PPARGC1A: variants seen among roughly 807,000 people sequenced by gnomAD.
PPARGC1A encodes PPARG coactivator 1 alpha.
Under a neutral mutation model 88.7 loss-of-function variants are expected in PPARGC1A, and 25 were observed. The ratio of observed to expected loss-of-function variants is 0.28; its 90% CI spans 0.21 to 0.39. The LOEUF is 0.39. Among genes scored for constraint, PPARGC1A ranks in the 10% least tolerant of loss-of-function variants. The pLI is 1.00. For missense variants in PPARGC1A, 880 were observed against 968.7 expected (o/e 0.91, Z 1.22); for synonymous variants, 363 against 355.6 (o/e 1.02, Z -0.24).
At chr4:23,859,124 T>C (rs1419694396) in intron 2 of PPARGC1A, among the ~76,000 whole-genome samples, 1 of 152,142 alleles carries the variant, frequency 6.6e-6, no homozygotes, top group East Asian at 1.9e-4. Context: ...TCTGTGGGCT[T>C]TCCAGGGAAT....
the PPARGC1A span, among the ~76,000 whole-genome samples, chr4:24,400,114 T>C: frequency 6.6e-6 from 1 of 152,118 alleles, no homozygotes; most frequent in Non-Finnish European, 1.5e-5. Context: ...TTCTATGGAG[T>C]AATTCTTAAG....
At chr4:24,098,340 G>A in the PPARGC1A span, among the ~76,000 whole-genome samples, 2 of 152,150 alleles carry the variant, frequency 1.3e-5, no homozygotes, top group African/African-American at 4.8e-5. Flanking sequence ...GCAAATACAT[G>A]TGCATTTATA....
chr4:24,314,483 A>T, the PPARGC1A span, among the ~76,000 whole-genome samples: 21 of 152,190 alleles, frequency 1.4e-4, no homozygotes, highest in Admixed American at 1.4e-3. Flanking sequence ...TTACCAGACC[A>T]AATTAGCCAG....
the PPARGC1A span, among the ~76,000 whole-genome samples, chr4:24,302,398 C>T: frequency 5.3e-5 from 8 of 152,188 alleles, no homozygotes; most frequent in Admixed American, 3.9e-4. Flanking sequence ...CCTTCGCAGG[C>T]TGTGGTTATG....
chr4:24,173,481 G>C, the PPARGC1A span, among the ~76,000 whole-genome samples: 1 of 152,102 alleles, frequency 6.6e-6, no homozygotes, highest in Non-Finnish European at 1.5e-5. Flanking sequence ...AGAATCACTG[G>C]AGCCCAAAAG....
chr4:23,988,935 A>G, the PPARGC1A span, among the ~76,000 whole-genome samples: 1 of 147,514 alleles, frequency 6.8e-6, no homozygotes, highest in Non-Finnish European at 1.5e-5. Flanking sequence ...ACTATATTAT[A>G]TATAATATAT....
the PPARGC1A span, among the ~76,000 whole-genome samples, chr4:24,039,221 C>G: frequency 2.6e-5 from 4 of 152,162 alleles, no homozygotes; most frequent in Non-Finnish European, 5.9e-5. Flanking sequence ...ATGTGCAACA[C>G]TCCTGATAGT....
the PPARGC1A span, among the ~76,000 whole-genome samples, chr4:23,930,540 G>A: frequency 6.6e-6 from 1 of 152,090 alleles, no homozygotes; most frequent in African/African-American, 2.4e-5. Flanking sequence ...TATAAAAAAA[G>A]GTTTTGAAAT....
At chr4:23,827,731 T>C (rs565308649) in intron 5 of PPARGC1A, among the ~76,000 whole-genome samples, 11 of 152,186 alleles carry the variant, frequency 7.2e-5, no homozygotes, top group Non-Finnish European at 1.5e-4. Flanking sequence ...CTTTCTTAAA[T>C]AGAAAGAAAA....
the PPARGC1A span, among the ~76,000 whole-genome samples, chr4:23,977,108 G>A: frequency 6.6e-6 from 1 of 152,078 alleles, no homozygotes; most frequent in Admixed American, 6.6e-5. Flanking sequence ...AAAAGAGATG[G>A]AGAGGCAGAG....
At chr4:23,871,873 G>A (rs751646828) in intron 2 of PPARGC1A, among the ~76,000 whole-genome samples, 4 of 152,168 alleles carry the variant, frequency 2.6e-5, no homozygotes, top group Admixed American at 2.0e-4. Context: ...ATTTAAGCTC[G>A]AGTATTATAG....
At chr4:24,001,063 TA>T in the PPARGC1A span, among the ~76,000 whole-genome samples, 4 of 152,196 alleles carry the variant, frequency 2.6e-5, no homozygotes, top group Admixed American at 6.5e-5. Context: ...TTCAATACTT[TA>T]AAAAATGGCA....
chr4:23,896,191 T>C (rs1718582037), intron 1 of PPARGC1A, among the ~76,000 whole-genome samples: 1 of 152,078 alleles, frequency 6.6e-6, no homozygotes, highest in Non-Finnish European at 1.5e-5. Flanking sequence ...CTGTTCGTAG[T>C]GGCTGACGAC....
At chr4:24,380,985 A>T in the PPARGC1A span, among the ~76,000 whole-genome samples, 1 of 152,280 alleles carries the variant, frequency 6.6e-6, no homozygotes, top group Middle Eastern at 3.4e-3. Context: ...TGATTTAAAA[A>T]AAAAAAAAAA....
At chr4:24,082,465 T>C in the PPARGC1A span, among the ~76,000 whole-genome samples, 1 of 152,100 alleles carries the variant, frequency 6.6e-6, no homozygotes. Context: ...AGTGGCTCTG[T>C]GTACTGGGGA....
chr4:24,449,323 CTCAGTGTAATTGG>C, the PPARGC1A span, among the ~76,000 whole-genome samples: 4 of 152,298 alleles, frequency 2.6e-5, no homozygotes, highest in Admixed American at 1.3e-4. Flanking sequence ...ACCCTGCTGC[CTCAGTGTAATTGG>C]TCTGTTCCTG....
the PPARGC1A span, among the ~76,000 whole-genome samples, chr4:24,192,226 T>G: frequency 6.6e-6 from 1 of 152,230 alleles, no homozygotes. Flanking sequence ...CCTCCAGACA[T>G]GTGACCTTGG....
the PPARGC1A span, among the ~76,000 whole-genome samples, chr4:24,027,473 G>A: frequency 2.0e-5 from 3 of 152,170 alleles, no homozygotes; most frequent in African/African-American, 7.2e-5. Context: ...CTTGGAACAA[G>A]GCCCAACGCA....
chr4:24,119,592 A>G, the PPARGC1A span, among the ~76,000 whole-genome samples: 2 of 152,198 alleles, frequency 1.3e-5, no homozygotes, highest in Admixed American at 6.5e-5. Context: ...GTGTTACAAT[A>G]ATATACTAAA....
Sources: allele counts gnomAD v4.1 joint callset (sites outside exome capture counted in the v4.1 genomes callset), GRCh38; gene constraint gnomAD v4.1.1; transcripts MANE v1.5; gene names NCBI Gene and HGNC (gene_info 2026-07-23, HGNC 2026-07-21).